IGSF10: variants seen among roughly 807,000 people sequenced by gnomAD.
IGSF10 encodes the protein immunoglobulin superfamily member 10.
A neutral mutation model predicts 128.2 loss-of-function variants in IGSF10; 126 were observed. That is an observed-to-expected ratio of 0.98 (90% CI 0.85 to 1.14). IGSF10 has a LOEUF of 1.14. Ranked by LOEUF, IGSF10 falls within the 50% of genes most tolerant of loss-of-function variation. IGSF10 has a pLI of 0.00. For missense variants in IGSF10, 3,295 were observed against 3,149.8 expected (o/e 1.05, Z -1.10); for synonymous variants, 1,185 against 1,146.2 (o/e 1.03, Z -0.68).
intron 4 of IGSF10, among the ~76,000 whole-genome samples, chr3:151,455,426 A>G (rs1283280124): frequency 1.3e-5 from 2 of 151,716 alleles, no homozygotes; most frequent in South Asian, 2.1e-4. Flanking sequence ...AGTTTCTAAT[A>G]AACTTTATTT....
At chr3:151,475,064 C>CA in the IGSF10 span, among the ~76,000 whole-genome samples, 6 of 152,108 alleles carry the variant, frequency 3.9e-5, no homozygotes, top group South Asian at 2.1e-4. Context: ...TCTTGATAGT[C>CA]ACAGTAATAG....
At chr3:151,481,138 G>A in the IGSF10 span, among the ~76,000 whole-genome samples, 11 of 152,246 alleles carry the variant, frequency 7.2e-5, no homozygotes, top group Admixed American at 2.6e-4. Context: ...GCTGACTCAC[G>A]TAGCTGCACT....
chr3:151,472,666 G>T, the IGSF10 span, among the ~76,000 whole-genome samples: 1 of 152,102 alleles, frequency 6.6e-6, no homozygotes, highest in Non-Finnish European at 1.5e-5. Context: ...TCACTGGAAG[G>T]CCTCATGCTT....
chr3:151,559,168 T>TA, the IGSF10 span, among the ~76,000 whole-genome samples: 2 of 151,616 alleles, frequency 1.3e-5, no homozygotes, highest in African/African-American at 2.4e-5. Context: ...TTCAAGGGAG[T>TA]AAAAAACAAA....
the IGSF10 span, among the ~76,000 whole-genome samples, chr3:151,493,874 C>G: frequency 2.0e-5 from 3 of 151,124 alleles, no homozygotes; most frequent in Non-Finnish European, 4.4e-5. Context: ...CAAACAAAAA[C>G]AGATTGCTAG....
downstream of IGSF10, chr3:151,434,431 C>T (rs550714349): frequency 5.3e-5 from 8 of 152,268 alleles, no homozygotes; most frequent in African/African-American, 1.9e-4. Flanking sequence ...TCCAGCCTGC[C>T]CATTTTGTGT....
the IGSF10 span, among the ~76,000 whole-genome samples, chr3:151,608,687 C>A: frequency 1.3e-5 from 2 of 151,928 alleles, no homozygotes; most frequent in African/African-American, 4.8e-5. Flanking sequence ...TTTTATTGAC[C>A]TACTATATTT....
At chr3:151,487,022 CA>C in the IGSF10 span, among the ~76,000 whole-genome samples, 126,621 of 151,484 alleles carry the variant, frequency 0.84, 53,079 homozygotes, top group Middle Eastern at 0.94. Flanking sequence ...AAATACCTTT[CA>C]AAAAAAAATT....
the IGSF10 span, among the ~76,000 whole-genome samples, chr3:151,471,371 C>T: frequency 0.53 from 80,369 of 151,984 alleles, 22,128 homozygotes; most frequent in African/African-American, 0.68. Context: ...ATTTCTAAGA[C>T]ACTCCACTGG....
At position 151,445,291 on chromosome 3, in the gene IGSF10, T is replaced by C. The variant is rs990263729; in HGVS notation, c.4690A>G (p.Lys1564Glu). Residue 1564 changes from lysine (K) to glutamate (E), a missense_variant, in exon 6 of 8, where the codon AAA becomes GAA. Physicochemically the swap from Lys to Glu is moderately conservative, Grantham distance 56. Transcript: ENST00000282466. ...TCTGCCCAGGGAGATGGAGTTAATT[T>C]AGAATTCTGTGATTTAACTGTTGTT... ...ALTTVKSQNS[K>E]LTPSPWAENQ... The C allele has an allele frequency of 1.9e-6, 3 of 1,614,240 alleles. No individual in the cohort carries two copies. Among genetic ancestry groups the C allele is most frequent in the Non-Finnish European group, 2.5e-6 (3 of 1,180,046 alleles).
chr3:151,511,178 T>G, the IGSF10 span, among the ~76,000 whole-genome samples: 1 of 151,954 alleles, frequency 6.6e-6, no homozygotes, highest in African/African-American at 2.4e-5. Flanking sequence ...TCACCAAAGT[T>G]GAAATGAAGG....
chr3:151,484,045 C>T, the IGSF10 span, among the ~76,000 whole-genome samples: 1 of 152,232 alleles, frequency 6.6e-6, no homozygotes, highest in Non-Finnish European at 1.5e-5. Flanking sequence ...AAGCTAACAT[C>T]CACTGGCTTG....
rs1720199703 is a variant in IGSF10 at position 151,436,308 on chromosome 3, T to G, written c.*381A>C. ...TGCAGATTTAATATTTTCCATTGTC[T>G]CTGTTCTGAGTGCCATGCTTGTAAC... On this transcript the variant is annotated 3_prime_UTR_variant, in exon 8 of 8. Coordinates refer to ENST00000282466, the MANE Select transcript of IGSF10 (RefSeq NM_178822.5). 1 of 167,592 alleles carries G rather than the reference T, an allele frequency of 6.0e-6. No individual in the cohort carries two copies. Among genetic ancestry groups the G allele is most frequent in the Non-Finnish European group, 1.3e-5 (1 of 77,038 alleles). 10.4% of individuals were successfully genotyped at this position (167,592 alleles called of 1,614,324 possible). A position where few individuals can be genotyped will look rare whatever the true frequency, so the allele number is the denominator to read the frequency against.
chr3:151,472,796 A>T, the IGSF10 span, among the ~76,000 whole-genome samples: 1 of 151,994 alleles, frequency 6.6e-6, no homozygotes. Context: ...GGACAATCAG[A>T]CCCTCCCCAT....
In IGSF10 at chr3:151,437,927, C is replaced by T. The variant is rs767907919; in HGVS notation, c.6634G>A (p.Val2212Ile). Reference sequence around the variant, plus strand: ...CCACTGGGATTTCGGGCTACACATACGTACTCTCCAGAATCGAGCAGTTTC... The same window carrying T: ...CCACTGGGATTTCGGGCTACACATATGTACTCTCCAGAATCGAGCAGTTTC... ...KVKLLDSGEY[V>I]CVARNPSGDD... The change falls in exon 8 of 8, where the codon GTA becomes ATA. Residue 2212 changes from valine to isoleucine, a missense_variant. Transcript: ENST00000282466. 16 of 1,613,986 alleles carry T rather than the reference C, an allele frequency of 9.9e-6. No individual in the cohort carries two copies. Among genetic ancestry groups the T allele is most frequent in the Middle Eastern group, 1.6e-4 (1 of 6,084 alleles).
At chr3:151,589,088 C>A in the IGSF10 span, among the ~76,000 whole-genome samples, 1 of 152,100 alleles carries the variant, frequency 6.6e-6, no homozygotes, top group African/African-American at 2.4e-5. Context: ...TAAATTAACA[C>A]ATTTTCTTTG....
intron 1 of IGSF10, 143 bp downstream of exon 1, chr3:151,460,803 G>T (rs1722015285): frequency 4.6e-6 from 2 of 432,966 alleles, no homozygotes; most frequent in Non-Finnish European, 6.1e-6. Context: ...CCTTCTCCGG[G>T]TGCGTCTTCC....
chr3:151,434,357 G>A (rs1719857429), downstream of IGSF10: 1 of 152,092 alleles, frequency 6.6e-6, no homozygotes, highest in Admixed American at 6.5e-5. Context: ...TCAAATACAT[G>A]TCAGCTTACT....
downstream of IGSF10, chr3:151,432,774 G>A (rs748303428): frequency 9.9e-6 from 16 of 1,613,224 alleles, no homozygotes; most frequent in East Asian, 3.6e-4. Context: ...AGCAAGGAGT[G>A]ACTCCGTATG....
Sources: gnomAD v4.1 joint callset for allele counts (sites outside exome capture counted in the v4.1 genomes callset) on GRCh38, gnomAD v4.1.1 for gene constraint, MANE v1.5 for transcripts, NCBI Gene and HGNC (gene_info 2026-07-23, HGNC 2026-07-21) for gene names.